The following KAZN variants were observed in gnomAD, a reference collection of about 807,000 sequenced individuals.
The protein encoded by KAZN is kazrin, periplakin interacting protein.
In KAZN, 40 loss-of-function variants were observed where a neutral mutation model predicts 87.4. The observed-to-expected ratio is 0.46, with a 90% CI of 0.36 to 0.60. KAZN has a LOEUF of 0.60. KAZN is among the 20% of genes least tolerant of loss of function. KAZN has a pLI of 0.00. For missense variants in KAZN, 898 were observed against 1,073.9 expected (o/e 0.84, Z 2.29); for synonymous variants, 466 against 458.3 (o/e 1.02, Z -0.22).
At chr1:14,743,537 T>C (rs752588121) in intron 1 of KAZN, among the ~76,000 whole-genome samples, 9 of 152,078 alleles carry the variant, frequency 5.9e-5, no homozygotes, top group Non-Finnish European at 1.2e-4. Flanking sequence ...GCTTTCTAAA[T>C]TGGCTTAAGC....
At chr1:14,916,483 T>A (rs1657834198) in intron 1 of KAZN, among the ~76,000 whole-genome samples, 1 of 152,226 alleles carries the variant, frequency 6.6e-6, no homozygotes, top group South Asian at 2.1e-4. Flanking sequence ...CAGTCTATTC[T>A]TTTAATTCTC....
chr1:14,018,800 C>G (rs759307840), intron 1 of KAZN, among the ~76,000 whole-genome samples: 5 of 152,176 alleles, frequency 3.3e-5, no homozygotes, highest in African/African-American at 1.2e-4. Context: ...ACACCATGGT[C>G]CCCCTGAGTT....
At position 14,200,262 on chromosome 1, in the gene KAZN, T is replaced by C. The variant is rs536999198; in HGVS notation, c.249+19670T>C. On this transcript the variant is annotated intron_variant, in intron 2 of 16. Transcript: ENST00000636203. The stretch of plus-strand genomic sequence containing the variant: ...ATCTATGTTTATTGACATGAAAACA[T>C]GTCCATAATAAATTGGTAAATTTTA... 4.6e-5 allele frequency among the ~76,000 whole-genome samples: 7 copies of C among 152,288 alleles called. No individual in the cohort carries two copies. In the East Asian group the frequency reaches 1.4e-3, roughly 29 times the overall value.
chr1:14,170,555 A>G (rs992127653), intron 1 of KAZN, among the ~76,000 whole-genome samples: 2 of 152,198 alleles, frequency 1.3e-5, no homozygotes, highest in Non-Finnish European at 2.9e-5. Context: ...GAAATTTACC[A>G]GGTTAACTGC....
At chr1:14,556,234 C>T (rs1257553588) in intron 2 of KAZN, among the ~76,000 whole-genome samples, 2 of 151,956 alleles carry the variant, frequency 1.3e-5, no homozygotes, top group African/African-American at 2.4e-5. Flanking sequence ...CTCAGCCTCC[C>T]GAGTAGCTGG....
intron 2 of KAZN, among the ~76,000 whole-genome samples, chr1:14,985,478 T>G (rs1464425359): frequency 6.8e-6 from 1 of 146,920 alleles, no homozygotes; most frequent in Non-Finnish European, 1.5e-5. Flanking sequence ...TGCAGTGAGC[T>G]GAGATCATGC....
intron 2 of KAZN, among the ~76,000 whole-genome samples, chr1:14,388,667 C>T (rs1300017613): frequency 6.6e-6 from 1 of 152,142 alleles, no homozygotes; most frequent in Non-Finnish European, 1.5e-5. Context: ...TGAAACTAGA[C>T]CCCTATCTCT....
intron 2 of KAZN, among the ~76,000 whole-genome samples, chr1:14,443,599 T>C (rs936423859): frequency 6.6e-6 from 1 of 152,184 alleles, no homozygotes; most frequent in African/African-American, 2.4e-5. Flanking sequence ...ACAATTATGG[T>C]GTTAACTGGG....
intron 1 of KAZN, among the ~76,000 whole-genome samples, chr1:14,899,681 C>T (rs1312790736): frequency 6.6e-6 from 1 of 152,124 alleles, no homozygotes; most frequent in Non-Finnish European, 1.5e-5. Flanking sequence ...ATTCCCCTCC[C>T]CAGGTCCCAC....
intron 2 of KAZN, among the ~76,000 whole-genome samples, chr1:14,457,160 G>A (rs7530275): frequency 0.56 from 85,353 of 152,062 alleles, 24,727 homozygotes; most frequent in African/African-American, 0.69. Context: ...TCCACAAAGT[G>A]GTTCATGAGG....
At chr1:14,327,993 T>C (rs1260108524) in intron 2 of KAZN, among the ~76,000 whole-genome samples, 1 of 152,178 alleles carries the variant, frequency 6.6e-6, no homozygotes, top group African/African-American at 2.4e-5. Flanking sequence ...GGATCACTTG[T>C]TTTTTTCTTA....
chr1:14,200,263 G>A (rs1646611530), intron 2 of KAZN, among the ~76,000 whole-genome samples: 1 of 152,096 alleles, frequency 6.6e-6, no homozygotes, highest in Non-Finnish European at 1.5e-5. Flanking sequence ...ATGAAAACAT[G>A]TCCATAATAA....
At chr1:14,274,351 C>A (rs1652185702) in intron 2 of KAZN, among the ~76,000 whole-genome samples, 1 of 151,968 alleles carries the variant, frequency 6.6e-6, no homozygotes, top group South Asian at 2.1e-4. Flanking sequence ...TATAATTCAC[C>A]AAACACACCA....
At chr1:14,231,186 T>G (rs981431096) in intron 2 of KAZN, among the ~76,000 whole-genome samples, 1 of 152,212 alleles carries the variant, frequency 6.6e-6, no homozygotes, top group African/African-American at 2.4e-5. Flanking sequence ...GGAAAAGAGA[T>G]GTTGATCCTA....
At chr1:15,074,768 A>G (rs1159164901) in intron 8 of KAZN, among the ~76,000 whole-genome samples, 1 of 152,112 alleles carries the variant, frequency 6.6e-6, no homozygotes, top group African/African-American at 2.4e-5. Flanking sequence ...GACGCTTGTT[A>G]CCTGGTAACC....
At chr1:13,931,920 C>G (rs892751651) in intron 1 of KAZN, among the ~76,000 whole-genome samples, 1 of 152,042 alleles carries the variant, frequency 6.6e-6, no homozygotes, top group Non-Finnish European at 1.5e-5. Context: ...TCACTGCAAC[C>G]TCTGCCTTCA....
At position 15,094,692 on chromosome 1, in the gene KAZN, C is replaced by T; in HGVS notation, c.1429-123C>T. On this transcript the variant is annotated intron_variant, in intron 9 of 14. Transcript: ENST00000376030. The surrounding 1 kb of genome is among the most constrained non-coding windows in gnomAD (Gnocchi z 4.5). ...TTGCAGAGGTTTCCATGTGCCCTGA[C>T]CCCACTGTATGAAAGGTGGGCAGGA... 1.4e-6 allele frequency: 1 copy of T among 708,418 alleles called. No individual in the cohort carries two copies. Among genetic ancestry groups the T allele is most frequent in the Non-Finnish European group, 2.4e-6 (1 of 423,336 alleles). The allele number at this position is 708,418 out of a possible 1,614,324, so 43.9% of individuals were successfully genotyped here. A position where few individuals can be genotyped will look rare whatever the true frequency, so the allele number is the denominator to read the frequency against.
At chr1:14,448,657 A>C (rs891803349) in intron 2 of KAZN, among the ~76,000 whole-genome samples, 2 of 152,206 alleles carry the variant, frequency 1.3e-5, no homozygotes, top group Non-Finnish European at 2.9e-5. Flanking sequence ...CCAGAGAGGA[A>C]GTAATAGATT....
intron 2 of KAZN, among the ~76,000 whole-genome samples, chr1:14,549,258 T>C (rs891410626): frequency 1.7e-4 from 26 of 152,200 alleles, no homozygotes; most frequent in African/African-American, 6.0e-4. Flanking sequence ...ATGCCCCTCC[T>C]TTCTCCTTCA....
Sources: gnomAD v4.1 joint callset for allele counts (sites outside exome capture counted in the v4.1 genomes callset) on GRCh38, gnomAD v4.1.1 for gene constraint, Gnocchi (gnomAD v3.1) non-coding constraint, MANE v1.5 for transcripts, NCBI Gene and HGNC (gene_info 2026-07-23, HGNC 2026-07-21) for gene names.